Variants in APBB2 observed in about 807,000 individuals in gnomAD.
APBB2 encodes the protein Fe65-like 1.
APBB2 carries 38 observed loss-of-function variants against 82.5 expected under a neutral mutation model. The ratio of observed to expected loss-of-function variants is 0.46; its 90% CI spans 0.36 to 0.60. APBB2 has a LOEUF of 0.60. Among genes scored for constraint, APBB2 ranks in the 20% least tolerant of loss-of-function variants. The pLI is 0.00. For missense variants in APBB2, 772 were observed against 972.3 expected (o/e 0.79, Z 2.74); for synonymous variants, 341 against 368.2 (o/e 0.93, Z 0.85).
chr4:41,147,932 T>C (rs963299785), intron 1 of APBB2, among the ~76,000 whole-genome samples: 3 of 152,108 alleles, frequency 2.0e-5, no homozygotes, highest in Non-Finnish European at 4.4e-5. Flanking sequence ...TTGGGAACCA[T>C]TGATTTACTG....
At chr4:41,054,281 C>T (rs1727072729) in intron 4 of APBB2, among the ~76,000 whole-genome samples, 2 of 152,184 alleles carry the variant, frequency 1.3e-5, no homozygotes, top group Admixed American at 6.5e-5. Flanking sequence ...TCCCAGCAAC[C>T]TCACTCCCAT....
In APBB2 at chr4:41,025,944, CA is replaced by C. The variant is rs71198626; in HGVS notation, c.19+7291del. On this transcript the variant is annotated intron_variant, in intron 5 of 17. Coordinates refer to ENST00000508593, the MANE Select transcript of APBB2 (RefSeq NM_004307.2). ...GCGAAAGAGTGAGACTCCATCTCCACAAAAAAAAAAAAAAAAAAAGAAAAAA... is the reference window on the plus strand; with the variant it reads ...GCGAAAGAGTGAGACTCCATCTCCACAAAAAAAAAAAAAAAAAAGAAAAAA... 4.6e-3 allele frequency among the ~76,000 whole-genome samples: 313 copies of C among 68,270 alleles called. 1 individual carries two copies. Among genetic ancestry groups the C allele is most frequent in the African/African-American group, 0.012 (208 of 17,388 alleles). 44.8% of individuals were successfully genotyped at this position (68,270 alleles called of 152,430 possible). A position where few individuals can be genotyped will look rare whatever the true frequency, so the allele number is the denominator to read the frequency against.
At chr4:41,152,322 CTTCT>C (rs1332014280) in intron 1 of APBB2, among the ~76,000 whole-genome samples, 1 of 150,422 alleles carries the variant, frequency 6.6e-6, no homozygotes, top group East Asian at 1.9e-4. Context: ...TGTTTCTTTT[CTTCT>C]TTTTTTTTTT....
At chr4:40,917,437 G>A (rs1034399654) in intron 10 of APBB2, among the ~76,000 whole-genome samples, 8 of 152,036 alleles carry the variant, frequency 5.3e-5, no homozygotes, top group African/African-American at 9.7e-5. Context: ...CACCTGCTAC[G>A]GTCCCCTGAC....
At chr4:40,920,934 CCAG>C (rs562203726) in intron 10 of APBB2, among the ~76,000 whole-genome samples, 120 of 152,154 alleles carry the variant, frequency 7.9e-4, no homozygotes, top group African/African-American at 2.7e-3. Flanking sequence ...GAAGGGTAGC[CCAG>C]CAATGAAAAG....
intron 4 of APBB2, among the ~76,000 whole-genome samples, chr4:41,034,218 C>T (rs1718216218): frequency 6.7e-6 from 1 of 148,658 alleles, no homozygotes; most frequent in Non-Finnish European, 1.5e-5. Context: ...AGATGTTCTT[C>T]AGTGCACAGC....
At chr4:40,898,335 C>T (rs543750769) in intron 10 of APBB2, among the ~76,000 whole-genome samples, 1 of 152,328 alleles carries the variant, frequency 6.6e-6, no homozygotes, top group South Asian at 2.1e-4. Flanking sequence ...GTGGCGTCAG[C>T]TCACTGCAAC....
intron 3 of APBB2, among the ~76,000 whole-genome samples, chr4:41,071,831 G>A (rs1734016053): frequency 6.6e-6 from 1 of 152,064 alleles, no homozygotes; most frequent in Admixed American, 6.6e-5. Context: ...TTTCTAAAAG[G>A]TAATGCCTTC....
At chr4:41,210,898 C>T (rs534570903) in intron 1 of APBB2, among the ~76,000 whole-genome samples, 1 of 152,174 alleles carries the variant, frequency 6.6e-6, no homozygotes, top group Non-Finnish European at 1.5e-5. Context: ...GACATTTATG[C>T]ATAGATGCTT....
intron 12 of APBB2, among the ~76,000 whole-genome samples, chr4:40,882,493 T>G (rs1384050949): frequency 6.6e-6 from 1 of 152,184 alleles, no homozygotes; most frequent in East Asian, 1.9e-4. Flanking sequence ...TCTGTGAAGT[T>G]GGAAAAACTG....
chr4:40,991,511 T>C (rs530502895), intron 6 of APBB2, among the ~76,000 whole-genome samples: 3 of 152,044 alleles, frequency 2.0e-5, no homozygotes, highest in Admixed American at 1.3e-4. Flanking sequence ...TTTATTTTTT[T>C]AAAAATATGT....
Position 40,930,466 on chromosome 4 carries a change from CGTGCGCGT to C in APBB2, c.1254+3982_1254+3989del, listed in dbSNP as rs1476138233. ...GTGTGTGTGCGCGCGCGCGCGCGCG[CGTGCGCGT>C]GCGCGTATGCGTGTGTATGTGTGTG... is the stretch of plus-strand genomic sequence containing the variant. On this transcript the variant is annotated intron_variant, in intron 10 of 17. Transcript: ENST00000508593. Among the ~76,000 whole-genome samples the C allele has an allele frequency of 2.9e-3, 391 of 132,652 alleles. 2 individuals carry two copies. The highest frequency in any genetic ancestry group is 7.2e-3 in the Middle Eastern group (2 of 276). The allele number at this position is 132,652 out of a possible 152,430, so 87.0% of individuals were successfully genotyped here. A position where few individuals can be genotyped will look rare whatever the true frequency, so the allele number is the denominator to read the frequency against.
intron 5 of APBB2, among the ~76,000 whole-genome samples, chr4:41,026,383 C>T (rs975545269): frequency 6.6e-6 from 1 of 152,104 alleles, no homozygotes; most frequent in Non-Finnish European, 1.5e-5. Context: ...TTAAAGTACA[C>T]AATTCAGTGC....
In APBB2 at chr4:41,003,892, T is replaced by C. The variant is rs547072097; in HGVS notation, c.835+9691A>G. Among the ~76,000 whole-genome samples the C allele has an allele frequency of 7.2e-5, 11 of 152,198 alleles. No individual in the cohort carries two copies. The South Asian group carries it at 2.3e-3, about 32-fold the overall frequency. ...CATGTCCAGCTAATTTTTGTATTTT[T>C]AGTAGAGACAGGGTTTCACCATGTT... On this transcript the variant is annotated intron_variant, in intron 6 of 17. Coordinates refer to ENST00000508593, the MANE Select transcript of APBB2 (RefSeq NM_004307.2).
intron 3 of APBB2, among the ~76,000 whole-genome samples, chr4:41,077,159 C>G (rs1344873564): frequency 6.7e-6 from 1 of 150,118 alleles, no homozygotes. Flanking sequence ...CGCATACCAC[C>G]ACACCCAGCT....
chr4:40,914,788 CCTT>C (rs33965155), intron 10 of APBB2, among the ~76,000 whole-genome samples: 4,413 of 152,174 alleles, frequency 0.029, 201 homozygotes, highest in African/African-American at 0.094. Flanking sequence ...CAGTATCTGT[CCTT>C]CTTCACAGAG....
intron 6 of APBB2, among the ~76,000 whole-genome samples, chr4:40,982,294 G>GA (rs1313642081): frequency 7.6e-5 from 3 of 39,298 alleles, no homozygotes; most frequent in African/African-American, 1.5e-4. Context: ...AGGAAGGAAG[G>GA]AAGGAAGGAA....
chr4:40,834,710 G>C (rs758546861), intron 12 of APBB2, among the ~76,000 whole-genome samples: 1 of 152,156 alleles, frequency 6.6e-6, no homozygotes, highest in Non-Finnish European at 1.5e-5. Context: ...CTTCCTAAGG[G>C]AAAGAACAGG....
chr4:41,173,201 C>A (rs760870062), intron 1 of APBB2, among the ~76,000 whole-genome samples: 3 of 152,126 alleles, frequency 2.0e-5, no homozygotes, highest in Non-Finnish European at 4.4e-5. Flanking sequence ...CTAATAAAAG[C>A]AAGCTAAATC....
Sources: allele counts gnomAD v4.1 joint callset (sites outside exome capture counted in the v4.1 genomes callset), GRCh38; gene constraint gnomAD v4.1.1; transcripts MANE v1.5; gene names NCBI Gene and HGNC (gene_info 2026-07-23, HGNC 2026-07-21).